The following ATG5 variants were observed in gnomAD, a reference collection of about 807,000 sequenced individuals.
ATG5 encodes the protein autophagy related 5, also known as autophagy protein 5.
In ATG5, 14 loss-of-function variants were observed where a neutral mutation model predicts 36.5. That is an observed-to-expected ratio of 0.38 (90% CI 0.25 to 0.60). The LOEUF (loss-of-function observed/expected upper bound fraction) is 0.60, where lower values mean the gene tolerates loss of function less well. Among genes scored for constraint, ATG5 ranks in the 20% least tolerant of loss-of-function variants. ATG5 has a pLI of 0.60. For synonymous variants in ATG5, 95 were observed against 101.5 expected (o/e 0.94, Z 0.38); for missense variants, 195 against 326.7 (o/e 0.60, Z 3.11).
chr6:106,263,317 T>A (rs1334840530), intron 5 of ATG5, among the ~76,000 whole-genome samples: 3 of 152,260 alleles, frequency 2.0e-5, no homozygotes, highest in South Asian at 4.1e-4. Context: ...GCAGGGCATC[T>A]CTGAAGGAAA....
chr6:106,310,282 C>CT (rs1169903670), intron 2 of ATG5, among the ~76,000 whole-genome samples: 6 of 152,118 alleles, frequency 3.9e-5, no homozygotes, highest in African/African-American at 1.4e-4. Flanking sequence ...GCAGAATCCA[C>CT]ACTGAAATGT....
At chr6:106,223,257 T>C (rs1179991914) in intron 6 of ATG5, among the ~76,000 whole-genome samples, 2 of 152,222 alleles carry the variant, frequency 1.3e-5, no homozygotes, top group South Asian at 2.1e-4. Flanking sequence ...CCTACTCTTA[T>C]AACATGACAA....
At chr6:106,211,663 T>C (rs953588027) in intron 6 of ATG5, among the ~76,000 whole-genome samples, 24 of 152,144 alleles carry the variant, frequency 1.6e-4, no homozygotes, top group African/African-American at 5.8e-4. Flanking sequence ...TGAGCTGAGA[T>C]CATGTCACTG....
intron 2 of ATG5, among the ~76,000 whole-genome samples, chr6:106,313,882 GT>G (rs1481535254): frequency 2.6e-5 from 4 of 152,124 alleles, no homozygotes; most frequent in Non-Finnish European, 4.4e-5. Context: ...ACTTAAGCAT[GT>G]ACATATTTAA....
chr6:106,186,259 G>A lies in ATG5; in HGVS notation c.*281C>T, dbSNP rs1487106778. On this transcript the variant is annotated 3_prime_UTR_variant, in exon 8 of 8. Coordinates refer to ENST00000369076, the MANE Select transcript of ATG5 (RefSeq NM_004849.4). ...ACTTCCATTTTCTTCTTAGGCCAAA[G>A]GTTTCAGCTTCATTATATTTTACAG... is the stretch of plus-strand genomic sequence containing the variant. 1 of 342,128 alleles carries A rather than the reference G, an allele frequency of 2.9e-6. No homozygotes were observed. 21.2% of individuals were successfully genotyped at this position (342,128 alleles called of 1,614,324 possible).
chr6:106,214,980 T>C (rs1330664258), intron 6 of ATG5, among the ~76,000 whole-genome samples: 3 of 152,174 alleles, frequency 2.0e-5, no homozygotes, highest in Non-Finnish European at 4.4e-5. Flanking sequence ...CCAAGGGAAG[T>C]ATAGTTTAAA....
chr6:106,262,533 T>A (rs1213379676), intron 5 of ATG5, among the ~76,000 whole-genome samples: 1 of 151,658 alleles, frequency 6.6e-6, no homozygotes, highest in Non-Finnish European at 1.5e-5. Flanking sequence ...AATCATAAAG[T>A]TCTTAAAAAG....
intron 7 of ATG5, among the ~76,000 whole-genome samples, chr6:106,187,815 T>C (rs1245814162): frequency 1.3e-5 from 2 of 152,160 alleles, no homozygotes; most frequent in Non-Finnish European, 2.9e-5. Context: ...ATATTTAGAC[T>C]TCCTGTTAGA....
intron 5 of ATG5, among the ~76,000 whole-genome samples, chr6:106,257,008 C>G (rs1778827863): frequency 6.6e-6 from 1 of 152,112 alleles, no homozygotes; most frequent in African/African-American, 2.4e-5. Context: ...TTTTTTATAT[C>G]CTTATTCTAT....
intron 3 of ATG5, among the ~76,000 whole-genome samples, chr6:106,303,414 T>G (rs1770294178): frequency 6.6e-6 from 1 of 152,068 alleles, no homozygotes; most frequent in South Asian, 2.1e-4. Flanking sequence ...GAAATTGAAT[T>G]GGTAATTAAC....
At chr6:106,277,571 T>C (rs898731887) in intron 5 of ATG5, among the ~76,000 whole-genome samples, 1 of 152,358 alleles carries the variant, frequency 6.6e-6, no homozygotes. Context: ...TCCCAGCACT[T>C]TGGGAGGCCA....
chr6:106,314,726 A>G (rs1770775254), intron 2 of ATG5, among the ~76,000 whole-genome samples: 1 of 151,698 alleles, frequency 6.6e-6, no homozygotes, highest in Non-Finnish European at 1.5e-5. Flanking sequence ...CTTGTTTGGA[A>G]AAAAAAAATG....
chr6:106,307,924 G>A (rs2114664114), intron 3 of ATG5, among the ~76,000 whole-genome samples: 1 of 152,252 alleles, frequency 6.6e-6, no homozygotes, highest in East Asian at 1.9e-4. Context: ...ACCAAGCCTA[G>A]TTAAGATGTG....
At chr6:106,323,250 T>C (rs1048783957) in intron 1 of ATG5, among the ~76,000 whole-genome samples, 2 of 140,134 alleles carry the variant, frequency 1.4e-5, no homozygotes, top group African/African-American at 5.3e-5. Flanking sequence ...TTTCGCTAAG[T>C]GGAAAAGTCC....
chr6:106,203,995 C>CA (rs1231181513), intron 6 of ATG5, among the ~76,000 whole-genome samples: 1 of 152,142 alleles, frequency 6.6e-6, no homozygotes. Flanking sequence ...CCAAACACCT[C>CA]ATGTTCTCAC....
chr6:106,293,674 A>G (rs1213922463), intron 3 of ATG5, among the ~76,000 whole-genome samples: 1 of 152,184 alleles, frequency 6.6e-6, no homozygotes, highest in Non-Finnish European at 1.5e-5. Context: ...TAATGTCAAC[A>G]TTTTCCCAAG....
chr6:106,186,532 T>G lies in ATG5; in HGVS notation c.*8A>C, dbSNP rs369833045. Reference sequence around the variant, plus strand: ...AGGATGATTCTGTTCAGGCAAATAGTTGATCCTTCAATCTGTTGGCTGTGG... The same window carrying G: ...AGGATGATTCTGTTCAGGCAAATAGGTGATCCTTCAATCTGTTGGCTGTGG... On this transcript the variant is annotated 3_prime_UTR_variant, in exon 8 of 8. Coordinates refer to ENST00000369076, the MANE Select transcript of ATG5 (RefSeq NM_004849.4). 3 of 1,612,918 alleles carry G rather than the reference T, an allele frequency of 1.9e-6. No individual in the cohort carries two copies. In the African/African-American group the frequency reaches 4.0e-5, roughly 22 times the overall value.
chr6:106,225,612 A>G (rs1777424180), intron 6 of ATG5, among the ~76,000 whole-genome samples: 2 of 152,174 alleles, frequency 1.3e-5, no homozygotes, highest in South Asian at 4.1e-4. Flanking sequence ...GACCCTGAAT[A>G]TACTCTCCTC....
intron 5 of ATG5, among the ~76,000 whole-genome samples, chr6:106,257,085 C>T (rs1372400750): frequency 6.6e-6 from 1 of 152,076 alleles, no homozygotes; most frequent in African/African-American, 2.4e-5. Flanking sequence ...CACAAATACA[C>T]ACATTAGCCT....
Sources: allele counts gnomAD v4.1 joint callset (sites outside exome capture counted in the v4.1 genomes callset), GRCh38; gene constraint gnomAD v4.1.1; transcripts MANE v1.5; gene names NCBI Gene and HGNC (gene_info 2026-07-23, HGNC 2026-07-21).